The following GABRG3 variants were observed in gnomAD, a reference collection of about 807,000 sequenced individuals.
GABRG3 encodes gamma-aminobutyric acid receptor subunit gamma-3.
Under a neutral mutation model 48.8 loss-of-function variants are expected in GABRG3, and 25 were observed. That is an observed-to-expected ratio of 0.51 (90% confidence interval 0.37 to 0.72). GABRG3 has a LOEUF of 0.72. GABRG3 is among the 30% of genes least tolerant of loss of function. The probability of loss-of-function intolerance (pLI) is 0.00; values close to 1 mark genes in which losing one functional copy is unlikely to be tolerated. For synonymous variants in GABRG3, 227 were observed against 217.6 expected, an observed-to-expected ratio of 1.04 and a Z score of -0.38; for missense variants, 394 against 577.9, an observed-to-expected ratio of 0.68 and a Z score of 3.26.
At chr15:27,162,410 G>A (rs979156196) in intron 3 of GABRG3, among the ~76,000 whole-genome samples, 8 of 152,168 alleles carry the variant, frequency 5.3e-5, no homozygotes, top group African/African-American at 1.9e-4. Flanking sequence ...GGCCTTCTTA[G>A]ATATGGGTCT....
At chr15:27,429,344 G>A (rs1888381579) in intron 5 of GABRG3, among the ~76,000 whole-genome samples, 1 of 152,188 alleles carries the variant, frequency 6.6e-6, no homozygotes, top group Admixed American at 6.5e-5. Flanking sequence ...GTCCTTCAGA[G>A]TTAGCAGAAG....
At chr15:27,215,426 G>C (rs1335621398) in intron 3 of GABRG3, among the ~76,000 whole-genome samples, 3 of 152,182 alleles carry the variant, frequency 2.0e-5, no homozygotes, top group Non-Finnish European at 4.4e-5. Flanking sequence ...GGCTCTCCCA[G>C]ATGCACCCCA....
chr15:27,444,191 T>A (rs1888873842), intron 5 of GABRG3, among the ~76,000 whole-genome samples: 1 of 152,144 alleles, frequency 6.6e-6, no homozygotes, highest in Non-Finnish European at 1.5e-5. Flanking sequence ...TCTTAGGAAG[T>A]GGGATCAACT....
chr15:27,519,948 A>G, intron 6 of GABRG3, 24 bp from the exon 7 acceptor site: 1 of 1,461,390 alleles, frequency 6.8e-7, no homozygotes, highest in Non-Finnish European at 9.1e-7. Flanking sequence ...AAGTTGTCTT[A>G]ATTTTGACAA....
intron 5 of GABRG3, among the ~76,000 whole-genome samples, chr15:27,357,719 T>C (rs1894888569): frequency 6.6e-6 from 1 of 152,228 alleles, no homozygotes; most frequent in Admixed American, 6.5e-5. Flanking sequence ...GTAATTTCTG[T>C]GAAGGAAATT....
chr15:27,337,099 A>G (rs1894002125), intron 5 of GABRG3, among the ~76,000 whole-genome samples: 1 of 152,212 alleles, frequency 6.6e-6, no homozygotes, highest in African/African-American at 2.4e-5. Context: ...CTACAAGGTG[A>G]TCTGTATTGG....
intron 3 of GABRG3, among the ~76,000 whole-genome samples, chr15:27,165,257 G>A (rs531612754): frequency 2.2e-4 from 33 of 152,208 alleles, no homozygotes; most frequent in African/African-American, 7.9e-4. Flanking sequence ...TATGTTTACC[G>A]ACAATTAGAC....
intron 5 of GABRG3, among the ~76,000 whole-genome samples, chr15:27,462,421 C>T (rs972089332): frequency 6.6e-6 from 1 of 152,048 alleles, no homozygotes. Flanking sequence ...AAAAGCCAAG[C>T]CCCAGCAGAT....
intron 2 of GABRG3, among the ~76,000 whole-genome samples, chr15:27,025,024 C>CAAAAA (rs34897569): frequency 2.2e-5 from 2 of 91,630 alleles, no homozygotes; most frequent in South Asian, 4.5e-4. Flanking sequence ...GACCCTGTCT[C>CAAAAA]AAAAAAAAAA....
chr15:27,367,059 A>G (rs952380534), intron 5 of GABRG3, among the ~76,000 whole-genome samples: 2 of 152,056 alleles, frequency 1.3e-5, no homozygotes, highest in Admixed American at 6.5e-5. Flanking sequence ...CCTTCCACCT[A>G]TGAGGACTAA....
chr15:27,517,698 T>A (rs1038075387), intron 6 of GABRG3, among the ~76,000 whole-genome samples: 2 of 152,198 alleles, frequency 1.3e-5, no homozygotes, highest in Non-Finnish European at 2.9e-5. Flanking sequence ...TGTTGGTTTA[T>A]TCCTCTAGGG....
intron 5 of GABRG3, among the ~76,000 whole-genome samples, chr15:27,369,748 A>G (rs1173262389): frequency 7.1e-6 from 1 of 141,840 alleles, no homozygotes; most frequent in African/African-American, 2.6e-5. Context: ...TGGAGGTTGC[A>G]GTGAGCTGAG....
At chr15:27,238,422 G>A (rs1213376667) in intron 3 of GABRG3, among the ~76,000 whole-genome samples, 2 of 152,226 alleles carry the variant, frequency 1.3e-5, no homozygotes, top group Non-Finnish European at 2.9e-5. Context: ...CGTCATCACT[G>A]CAGCTATTTC....
chr15:27,133,708 A>G (rs919981958), intron 3 of GABRG3, among the ~76,000 whole-genome samples: 1 of 152,178 alleles, frequency 6.6e-6, no homozygotes, highest in African/African-American at 2.4e-5. Context: ...TGATTAGGCA[A>G]TTTGTGACAA....
At chr15:27,056,125 G>C (rs1261121628) in intron 3 of GABRG3, among the ~76,000 whole-genome samples, 1 of 151,954 alleles carries the variant, frequency 6.6e-6, no homozygotes, top group Non-Finnish European at 1.5e-5. Flanking sequence ...TGAGGTGGTG[G>C]GTTACTTGAG....
chr15:27,247,392 G>C (rs376796394), intron 3 of GABRG3, among the ~76,000 whole-genome samples: 21 of 152,052 alleles, frequency 1.4e-4, no homozygotes, highest in African/African-American at 5.1e-4. Flanking sequence ...TTCTCTCCTG[G>C]TGCCTCCAAG....
chr15:27,436,197 G>C lies in GABRG3; in HGVS notation c.575-44453G>C, dbSNP rs187114843. 1.1e-4 allele frequency among the ~76,000 whole-genome samples: 16 copies of C among 152,302 alleles called. No individual in the cohort carries two copies. In the East Asian group the frequency reaches 3.1e-3, roughly 29 times the overall value. On this transcript the variant is annotated intron_variant, in intron 5 of 9. Transcript: ENST00000615808. ...AAGGCACTAGCAGATTAGACGTCTG[G>C]TGAGGGCCCACTTCCTGGTTTGCTA... is the stretch of plus-strand genomic sequence containing the variant.
chr15:27,128,035 A>T (rs1467117998), intron 3 of GABRG3, among the ~76,000 whole-genome samples: 1 of 152,168 alleles, frequency 6.6e-6, no homozygotes, highest in South Asian at 2.1e-4. Context: ...GACACATCTC[A>T]TGACATATAA....
intron 5 of GABRG3, among the ~76,000 whole-genome samples, chr15:27,388,112 AGAAG>A (rs1170332464): frequency 2.8e-5 from 1 of 35,154 alleles, no homozygotes; most frequent in Non-Finnish European, 4.9e-5. Flanking sequence ...GGGAGGGAAA[AGAAG>A]GAAGGAAGGA....
Sources: allele counts gnomAD v4.1 joint callset (sites outside exome capture counted in the v4.1 genomes callset), GRCh38; gene constraint gnomAD v4.1.1; transcripts MANE v1.5; gene names NCBI Gene and HGNC (gene_info 2026-07-23, HGNC 2026-07-21).